Variants in DNAH17 observed in about 807,000 individuals in gnomAD.
The protein encoded by DNAH17 is axonemal beta dynein heavy chain 17.
In DNAH17, 376 loss-of-function variants were observed where a neutral mutation model predicts 485.6. The observed-to-expected ratio is 0.77, with a 90% confidence interval of 0.71 to 0.84. DNAH17 has a LOEUF of 0.84. Among genes scored for constraint, DNAH17 ranks in the 40% least tolerant of loss-of-function variants. The probability of loss-of-function intolerance (pLI) is 0.00; values close to 1 mark genes in which losing one functional copy is unlikely to be tolerated. For synonymous variants in DNAH17, 3,031 were observed against 2,405.9 expected (o/e 1.26, Z -7.60); for missense variants, 6,370 against 5,839.3 (o/e 1.09, Z -2.96).
At position 78,459,936 on chromosome 17, in the gene DNAH17, G is replaced by T. The variant is rs758940492; in HGVS notation, c.9501C>A (p.Ala3167=). ...CCCCAGGTGCGGTCAGAATCATGACGGCGGCGGTGACGTTGACCACAGCAT... is the reference window on the plus strand; with the variant it reads ...CCCCAGGTGCGGTCAGAATCATGACTGCGGCGGTGACGTTGACCACAGCAT... ...PPDAVVNVTA[A]VMILTAPGGK... Residue 3167 remains alanine (A), a synonymous_variant, in exon 60 of 81, where the codon GCC becomes GCA. Transcript: ENST00000389840. 33 of 1,613,820 alleles carry T rather than the reference G, an allele frequency of 2.0e-5. No homozygotes were observed. In the South Asian group the frequency reaches 3.5e-4, roughly 17 times the overall value.
intron 16 of DNAH17, among the ~76,000 whole-genome samples, chr17:78,544,665 G>A (rs898964087): frequency 6.6e-6 from 1 of 152,050 alleles, no homozygotes; most frequent in Admixed American, 6.5e-5. Context: ...AGCCGCGCAT[G>A]GTGGCGGGCA....
intron 51 of DNAH17, among the ~76,000 whole-genome samples, chr17:78,477,966 CCACCACCATCATCAT>C (rs1227489768): frequency 2.9e-4 from 39 of 135,764 alleles, no homozygotes; most frequent in African/African-American, 1.2e-3. Context: ...TCCACCATCA[CCACCACCATCATCAT>C]CACCACCATC....
chr17:78,453,855 G>GT lies in DNAH17; in HGVS notation c.10407-391dup, dbSNP rs144265748. On this transcript the variant is annotated intron_variant, in intron 64 of 80. Transcript: ENST00000389840. ...GGCTCATGCCACCACACCCAACTAG[G>GT]TTTTTTTTGTTTGTTTGTTTTTTGT... Among the ~76,000 whole-genome samples, 1,032 of 151,776 alleles carry GT rather than the reference G, an allele frequency of 6.8e-3. 7 individuals are homozygous for GT. Among genetic ancestry groups the GT allele is most frequent in the Non-Finnish European group, 0.01 (683 of 67,906 alleles).
In DNAH17 at chr17:78,560,033, C is replaced by T. The variant is rs78212518; in HGVS notation, c.2031+707G>A. Among the ~76,000 whole-genome samples, 759 of 152,262 alleles carry T rather than the reference C, an allele frequency of 5.0e-3. 9 individuals carry two copies. The highest frequency in any genetic ancestry group is 0.018 in the African/African-American group (735 of 41,520). ...TCTTAACCTGCCCTTCCTGCTCTTC[C>T]TTCCGCGGAACCTGTTGCACCTTCT... is the stretch of plus-strand genomic sequence containing the variant. On this transcript the variant is annotated intron_variant, in intron 13 of 80. Transcript: ENST00000389840.
At chr17:78,472,697 C>G (rs1272886093) in intron 54 of DNAH17, 12 of 453,576 alleles carry the variant, frequency 2.6e-5, no homozygotes, top group Non-Finnish European at 5.3e-5. Context: ...AGCCGAGTCC[C>G]CGAGGTCACG....
intron 43 of DNAH17, 44 bp from the exon 44 acceptor site, chr17:78,490,891 GC>G (rs1568143053): frequency 6.5e-7 from 1 of 1,538,704 alleles, no homozygotes; most frequent in Non-Finnish European, 8.8e-7. Context: ...GGCGACACCT[GC>G]CATCCCAATG....
intron 44 of DNAH17, 73 bp from the exon 45 acceptor site, chr17:78,486,579 C>T (rs1300160998): frequency 1.3e-6 from 2 of 1,493,470 alleles, no homozygotes; most frequent in East Asian, 2.4e-5. Context: ...TTGGTAAACG[C>T]CCCTCCCTAC....
At chr17:78,573,014 T>C (rs1451951249) in intron 2 of DNAH17, 120 bp from the exon 3 acceptor site, 14 of 854,198 alleles carry the variant, frequency 1.6e-5, no homozygotes, top group South Asian at 1.1e-4. Context: ...GAAAACTGGG[T>C]CCCGCACAGA....
chr17:78,553,061 G>A (rs528055489), intron 14 of DNAH17, among the ~76,000 whole-genome samples: 26 of 151,996 alleles, frequency 1.7e-4, no homozygotes, highest in Middle Eastern at 3.4e-3. Flanking sequence ...ATGAATTCTC[G>A]TGCAATCTCC....
rs762186309 is a variant in DNAH17 at position 78,454,481 on chromosome 17, C to T, written c.10395G>A (p.Leu3465=). The T allele has an allele frequency of 5.6e-6, 9 of 1,612,392 alleles. No homozygotes were observed. Among genetic ancestry groups the T allele is most frequent in the Admixed American group, 5.0e-5 (3 of 59,900 alleles). ...KYRSELKAIR[L]GQKSYLDVIE... is the part of the protein sequence containing the mutation. ...GCGCCCGCACACACCTCTTCTGTCC[C>T]AGGCGGATGGCTTTCAGTTCACTCC... Residue 3465 remains leucine, a synonymous_variant, in exon 64 of 81, where the codon CTG becomes CTA. Coordinates refer to ENST00000389840, the MANE Select transcript of DNAH17 (RefSeq NM_173628.4).
At position 78,507,806 on chromosome 17, in the gene DNAH17, CT is replaced by C; in HGVS notation, c.4237-2del. ...AGGTACTGTCCAGGGCTTTCAGCAC[CT>C]TTTGGGGGAACAGAAAAATAAGGTC... On this transcript the variant is annotated splice_acceptor_variant, in intron 27 of 80. Transcript: ENST00000389840. LOFTEE classifies it high-confidence loss of function. 1 of 1,550,468 alleles carries C rather than the reference CT, an allele frequency of 6.4e-7. No homozygotes were observed. Among genetic ancestry groups the C allele is most frequent in the South Asian group, 1.2e-5 (1 of 86,260 alleles).
intron 27 of DNAH17, among the ~76,000 whole-genome samples, chr17:78,508,668 T>A (rs1328159264): frequency 1.3e-5 from 2 of 152,068 alleles, no homozygotes; most frequent in Non-Finnish European, 2.9e-5. Context: ...GGAAAGTGGA[T>A]TAGTGGTTGC....
At chr17:78,476,257 G>A (rs562249444) in intron 52 of DNAH17, among the ~76,000 whole-genome samples, 1 of 147,658 alleles carries the variant, frequency 6.8e-6, no homozygotes, top group African/African-American at 2.5e-5. Flanking sequence ...CCACAGCCAC[G>A]TGCCAGAGTT....
At chr17:78,500,499 C>T (rs1459551381) in intron 35 of DNAH17, 38 bp from the exon 36 acceptor site, 26 of 1,509,250 alleles carry the variant, frequency 1.7e-5, no homozygotes, top group South Asian at 4.0e-5. Context: ...TGCCAGCGAC[C>T]CCATGGCCTC....
At position 78,507,757 on chromosome 17, in the gene DNAH17, C is replaced by G. The variant is rs373740677; in HGVS notation, c.4285G>C (p.Glu1429Gln). 1.3e-6 allele frequency: 2 copies of G among 1,589,844 alleles called. No individual in the cohort carries two copies. The highest frequency in any genetic ancestry group is 1.7e-6 in the Non-Finnish European group (2 of 1,174,278). Reference sequence around the variant, plus strand: ...ATGGTGCCTGTCCGCGGGTGCGGCTCGTGCTGGAATTCCATCATGCTCCAG... The same window carrying G: ...ATGGTGCCTGTCCGCGGGTGCGGCTGGTGCTGGAATTCCATCATGCTCCAG... Reference protein sequence around the residue: ...STWSMMEFQHEPHPRTGTMML... With the variant: ...STWSMMEFQHQPHPRTGTMML... Residue 1429 changes from glutamate (E) to glutamine (Q), a missense_variant, in exon 28 of 81, where the codon GAG becomes CAG. Coordinates refer to ENST00000389840, the MANE Select transcript of DNAH17 (RefSeq NM_173628.4).
At position 78,566,652 on chromosome 17, in the gene DNAH17, C is replaced by T. The variant is rs2092271361; in HGVS notation, c.1531G>A (p.Gly511Arg). 1.2e-6 allele frequency: 2 copies of T among 1,610,896 alleles called. No homozygotes were observed. Among genetic ancestry groups the T allele is most frequent in the Admixed American group, 1.7e-5 (1 of 59,590 alleles). ...TTGATACAGCTGCAGTCATCAAATC[C>T]TTGGCAAAAGATCGTGGCCAGCCTC... ...DRRLATIFCQ[G>R]FDDCSCIKSS... The change falls in exon 11 of 81, where the codon GGA becomes AGA. Residue 511 changes from glycine to arginine, a missense_variant. Gly to Arg is a moderately radical substitution (Grantham distance 125). Transcript: ENST00000389840.
In DNAH17 at chr17:78,543,907, G is replaced by T. The variant is rs777090859; in HGVS notation, c.2482C>A (p.Arg828Ser). The T allele has an allele frequency of 9.3e-6, 15 of 1,613,890 alleles. No homozygotes were observed. The highest frequency in any genetic ancestry group is 1.3e-5 in the Non-Finnish European group (15 of 1,179,904). Residue 828 changes from arginine (R) to serine (S), a missense_variant, in exon 17 of 81, where the codon CGC (arginine) becomes AGC (serine). Physicochemically the swap from Arg to Ser is moderately radical, Grantham distance 110. Coordinates refer to ENST00000389840, the MANE Select transcript of DNAH17 (RefSeq NM_173628.4). ...CCAGCATCCCTGACTGCTGCGTAGCGCTTGTTGAGGTTGGCAATTCTTCCA... is the reference window on the plus strand; with the variant it reads ...CCAGCATCCCTGACTGCTGCGTAGCTCTTGTTGAGGTTGGCAATTCTTCCA... Reference protein sequence around the residue: ...LDGRIANLNKRYAAVRDAGVK... With the variant: ...LDGRIANLNKSYAAVRDAGVK...
In DNAH17 at chr17:78,460,187, T is replaced by A. The variant is rs747873163; in HGVS notation, c.9410A>T (p.Gln3137Leu). The A allele has an allele frequency of 1.9e-6, 3 of 1,608,888 alleles. No individual in the cohort carries two copies. The African/African-American group carries it at 4.0e-5, about 21-fold the overall frequency. ...AKAEPALLAA[Q>L]EALDTLNKNN... is the part of the protein sequence containing the mutation. ...CTTATTCAGAGTGTCCAGAGCCTCC[T>A]GGGCTGCCAGCAGGGCCGGTTCTGC... Residue 3137 changes from glutamine to leucine, a missense_variant, in exon 59 of 81, where the codon CAG (glutamine) becomes CTG (leucine). Physicochemically the swap from Gln to Leu is moderately radical, Grantham distance 113. Coordinates refer to ENST00000389840, the MANE Select transcript of DNAH17 (RefSeq NM_173628.4).
chr17:78,499,099 A>G lies in DNAH17; in HGVS notation c.5654T>C (p.Ile1885Thr), dbSNP rs374982229. ...EQMDYKSCGNIYKGLAQTGAW... is the reference protein window; with the variant it reads ...EQMDYKSCGNTYKGLAQTGAW... The stretch of plus-strand genomic sequence containing the variant: ...TCCCGTCTGGGCCAGGCCCTTGTAG[A>G]TATTTCCACAGGACTGGAAAGGGCG... Residue 1885 changes from isoleucine (I) to threonine (T), a missense_variant, in exon 37 of 81, where the codon ATC (isoleucine) becomes ACC (threonine). By Grantham distance (89) the Ile-to-Thr change is moderately conservative. Transcript: ENST00000389840. The G allele has an allele frequency of 2.4e-5, 39 of 1,600,186 alleles. No homozygotes were observed. In the African/African-American group the frequency reaches 3.9e-4, roughly 16 times the overall value.
Sources: allele counts gnomAD v4.1 joint callset (sites outside exome capture counted in the v4.1 genomes callset), GRCh38; gene constraint gnomAD v4.1.1; transcripts MANE v1.5; gene names NCBI Gene and HGNC (gene_info 2026-07-23, HGNC 2026-07-21).